The following GNA12 variants were observed in gnomAD, a reference collection of about 807,000 sequenced individuals.
GNA12 encodes G protein subunit alpha 12.
In GNA12, 9 loss-of-function variants were observed where a neutral mutation model predicts 26.0. The observed-to-expected ratio is 0.35, with a 90% CI of 0.21 to 0.60. GNA12 has a LOEUF of 0.60. GNA12 is among the 20% of genes least tolerant of loss of function. The probability of loss-of-function intolerance (pLI) is 0.78; values close to 1 mark genes in which losing one functional copy is unlikely to be tolerated. For synonymous variants in GNA12, 264 were observed against 219.6 expected, an observed-to-expected ratio of 1.20 and a Z score of -1.79; for missense variants, 405 against 525.8, an observed-to-expected ratio of 0.77 and a Z score of 2.25.
At chr7:2,814,984 C>T (rs764843970) in intron 1 of GNA12, 112 of 1,550,572 alleles carry the variant, frequency 7.2e-5, no homozygotes, top group Middle Eastern at 5.0e-4. Context: ...CTGACAAGGA[C>T]GTCACTGTAT....
intron 2 of GNA12, among the ~76,000 whole-genome samples, chr7:2,781,058 C>A (rs190704618): frequency 2.0e-5 from 3 of 152,314 alleles, no homozygotes; most frequent in East Asian, 1.9e-4. Context: ...GTGAGTATAT[C>A]ATAATATCAT....
intron 1 of GNA12, among the ~76,000 whole-genome samples, chr7:2,826,096 G>A (rs370033568): frequency 9.1e-4 from 139 of 151,968 alleles, no homozygotes; most frequent in Non-Finnish European, 9.3e-4. Flanking sequence ...AAACATACTC[G>A]GGCCGGGGGC....
chr7:2,813,517 A>G (rs564237190), intron 1 of GNA12, among the ~76,000 whole-genome samples: 1 of 152,316 alleles, frequency 6.6e-6, no homozygotes, highest in East Asian at 1.9e-4. Flanking sequence ...AAGCCACCAC[A>G]ATATCTGCTA....
chr7:2,835,493 G>A (rs567822442), intron 1 of GNA12: 71 of 385,070 alleles, frequency 1.8e-4, no homozygotes, highest in African/African-American at 1.5e-3. Flanking sequence ...AGGGATCATT[G>A]GCCATGGGTC....
At chr7:2,761,884 G>T (rs562465574) in intron 2 of GNA12, among the ~76,000 whole-genome samples, 1 of 152,144 alleles carries the variant, frequency 6.6e-6, no homozygotes. Context: ...TCGGCTTCCA[G>T]CTGGTCCAGT....
At chr7:2,765,472 CTT>C (rs1791764910) in intron 2 of GNA12, among the ~76,000 whole-genome samples, 1 of 151,946 alleles carries the variant, frequency 6.6e-6, no homozygotes, top group Non-Finnish European at 1.5e-5. Context: ...AACAGGAAGA[CTT>C]TGTTAAATGA....
Position 2,811,641 on chromosome 7 carries a change from T to C in GNA12, c.310-16498A>G, listed in dbSNP as rs183450024. Among the ~76,000 whole-genome samples the C allele has an allele frequency of 1.4e-3, 213 of 152,340 alleles. 1 individual carries two copies. Among genetic ancestry groups the C allele is most frequent in the African/African-American group, 4.0e-3 (167 of 41,572 alleles). On this transcript the variant is annotated intron_variant, in intron 1 of 3. Coordinates refer to ENST00000275364, the MANE Select transcript of GNA12 (RefSeq NM_007353.3). ...GATTTCGTAAGGTTGTAAAGAACGATTGCAAAACCAGAAGCGCTTCCCCTG... is the reference window on the plus strand; with the variant it reads ...GATTTCGTAAGGTTGTAAAGAACGACTGCAAAACCAGAAGCGCTTCCCCTG...
intron 2 of GNA12, chr7:2,763,191 A>AACACACAC (rs56384682): frequency 0.058 from 12,855 of 222,404 alleles, 719 homozygotes; most frequent in African/African-American, 0.12. Flanking sequence ...AAGACACCCC[A>AACACACAC]ACACACACAC....
At chr7:2,794,896 C>G (rs752948556) in intron 2 of GNA12, 32 bp downstream of exon 2, 4 of 1,456,696 alleles carry the variant, frequency 2.7e-6, no homozygotes, top group Non-Finnish European at 3.9e-6. Flanking sequence ...AACACACTAT[C>G]AGGTGCCCAG....
At chr7:2,804,084 C>T (rs972357362) in intron 1 of GNA12, among the ~76,000 whole-genome samples, 1 of 152,200 alleles carries the variant, frequency 6.6e-6, no homozygotes, top group Non-Finnish European at 1.5e-5. Flanking sequence ...GGAACGAAAT[C>T]GTCCTCTTAA....
intron 1 of GNA12, among the ~76,000 whole-genome samples, chr7:2,826,643 C>T (rs1400793620): frequency 3.3e-5 from 5 of 152,210 alleles, no homozygotes; most frequent in Non-Finnish European, 7.3e-5. Context: ...CGGAAAGACA[C>T]AGAAACCTTA....
chr7:2,799,120 A>T (rs989042199), intron 1 of GNA12, among the ~76,000 whole-genome samples: 2 of 152,366 alleles, frequency 1.3e-5, no homozygotes, highest in Non-Finnish European at 2.9e-5. Flanking sequence ...TTCACACGAG[A>T]AAAATTATCA....
At chr7:2,771,826 G>T (rs746410160) in intron 2 of GNA12, among the ~76,000 whole-genome samples, 14 of 152,188 alleles carry the variant, frequency 9.2e-5, no homozygotes, top group Admixed American at 7.8e-4. Flanking sequence ...TGTGATAATT[G>T]TATGTTTAAC....
chr7:2,794,374 G>GA (rs1792598235), intron 2 of GNA12, among the ~76,000 whole-genome samples: 1 of 152,038 alleles, frequency 6.6e-6, no homozygotes, highest in African/African-American at 2.4e-5. Flanking sequence ...TTGAAAGGTA[G>GA]AAAAAAACAA....
intron 1 of GNA12, among the ~76,000 whole-genome samples, chr7:2,803,325 A>G (rs901895072): frequency 6.6e-6 from 1 of 152,170 alleles, no homozygotes; most frequent in African/African-American, 2.4e-5. Flanking sequence ...TGTGTGAGAA[A>G]GGGGACGATC....
chr7:2,743,675 G>T lies in GNA12; in HGVS notation c.526-10174C>A, dbSNP rs908567125. On this transcript the variant is annotated intron_variant, in intron 2 of 3. Coordinates refer to ENST00000275364, the MANE Select transcript of GNA12 (RefSeq NM_007353.3). ...TACCGGGTTCATCTCACTGGGGTGTGCCAGACAGTGGGCGCAGCGCACTGT... is the reference window on the plus strand; with the variant it reads ...TACCGGGTTCATCTCACTGGGGTGTTCCAGACAGTGGGCGCAGCGCACTGT... 2.6e-5 allele frequency among the ~76,000 whole-genome samples: 4 copies of T among 152,298 alleles called. 1 individual carries two copies. Among genetic ancestry groups the T allele is most frequent in the African/African-American group, 9.6e-5 (4 of 41,584 alleles).
chr7:2,736,680 G>A (rs1790195677), intron 2 of GNA12, among the ~76,000 whole-genome samples: 1 of 152,248 alleles, frequency 6.6e-6, no homozygotes, highest in Non-Finnish European at 1.5e-5. Context: ...GCAGAGGCCT[G>A]CAGCCTTCAG....
intron 2 of GNA12, among the ~76,000 whole-genome samples, chr7:2,753,007 C>G (rs557941189): frequency 6.6e-6 from 1 of 152,236 alleles, no homozygotes; most frequent in Admixed American, 6.5e-5. Context: ...ATAATCACAG[C>G]CATCCTCCTT....
At chr7:2,766,109 A>G (rs1364854501) in intron 2 of GNA12, among the ~76,000 whole-genome samples, 1 of 152,094 alleles carries the variant, frequency 6.6e-6, no homozygotes, top group Non-Finnish European at 1.5e-5. Context: ...GCACTAATTA[A>G]ACAACTCCCA....
Sources: gnomAD v4.1 joint callset for allele counts (sites outside exome capture counted in the v4.1 genomes callset) on GRCh38, gnomAD v4.1.1 for gene constraint, MANE v1.5 for transcripts, NCBI Gene and HGNC (gene_info 2026-07-23, HGNC 2026-07-21) for gene names.